ADGRL3: variants seen among roughly 807,000 people sequenced by gnomAD.
ADGRL3 encodes adhesion G protein-coupled receptor L3.
A neutral mutation model predicts 153.5 loss-of-function variants in ADGRL3; 62 were observed. The ratio of observed to expected loss-of-function variants is 0.40; its 90% CI spans 0.33 to 0.50. The LOEUF (loss-of-function observed/expected upper bound fraction) is 0.50, where lower values mean the gene tolerates loss of function less well. ADGRL3 is among the 20% of genes least tolerant of loss of function. The pLI is 0.47. For synonymous variants in ADGRL3, 710 were observed against 672.5 expected, an observed-to-expected ratio of 1.06 and a Z score of -0.86; for missense variants, 1,641 against 1,859.4, an observed-to-expected ratio of 0.88 and a Z score of 2.16.
chr4:61,905,064 A>T (rs757817220), intron 11 of ADGRL3, among the ~76,000 whole-genome samples: 1 of 152,218 alleles, frequency 6.6e-6, no homozygotes, highest in Non-Finnish European at 1.5e-5. Flanking sequence ...ACATATTATT[A>T]TAAGAGTATA....
At chr4:61,825,342 A>C (rs2097790930) in intron 9 of ADGRL3, among the ~76,000 whole-genome samples, 1 of 152,174 alleles carries the variant, frequency 6.6e-6, no homozygotes. Flanking sequence ...ATTATATGTG[A>C]AAATGCTTTA....
intron 8 of ADGRL3, among the ~76,000 whole-genome samples, chr4:61,799,307 T>G (rs1355122776): frequency 6.6e-6 from 1 of 152,040 alleles, no homozygotes. Context: ...AGCAAACTTC[T>G]TCTGTAAAAG....
intron 13 of ADGRL3, among the ~76,000 whole-genome samples, chr4:61,921,967 T>C (rs1026835609): frequency 2.0e-5 from 3 of 152,136 alleles, no homozygotes; most frequent in Non-Finnish European, 2.9e-5. Context: ...TCTTCATCAG[T>C]AGGAAATCGG....
At chr4:61,485,396 AG>A (rs1195145724) in intron 2 of ADGRL3, among the ~76,000 whole-genome samples, 1 of 152,150 alleles carries the variant, frequency 6.6e-6, no homozygotes, top group African/African-American at 2.4e-5. Flanking sequence ...TTTCTGCTAT[AG>A]ATGTATTTAT....
At chr4:61,446,739 C>G (rs1179339053) in intron 2 of ADGRL3, among the ~76,000 whole-genome samples, 1 of 152,164 alleles carries the variant, frequency 6.6e-6, no homozygotes, top group Admixed American at 6.5e-5. Context: ...AAAGGAGAAG[C>G]AGGTGTGCTA....
intron 5 of ADGRL3, among the ~76,000 whole-genome samples, chr4:61,604,576 T>C (rs1309765929): frequency 6.6e-6 from 1 of 152,202 alleles, no homozygotes; most frequent in African/African-American, 2.4e-5. Context: ...CCCCTTTCTT[T>C]AGTTCAGTTT....
chr4:61,438,459 G>C (rs2097481637), intron 2 of ADGRL3, among the ~76,000 whole-genome samples: 1 of 151,372 alleles, frequency 6.6e-6, no homozygotes, highest in Admixed American at 6.6e-5. Flanking sequence ...GATGAAGGAA[G>C]TACTTAGTGA....
At chr4:61,509,538 T>G (rs2098451556) in intron 3 of ADGRL3, among the ~76,000 whole-genome samples, 1 of 152,120 alleles carries the variant, frequency 6.6e-6, no homozygotes, top group African/African-American at 2.4e-5. Flanking sequence ...GATGATGGCC[T>G]CCACTGGCAT....
At chr4:61,819,976 G>A (rs1466603620) in intron 9 of ADGRL3, among the ~76,000 whole-genome samples, 4 of 151,666 alleles carry the variant, frequency 2.6e-5, no homozygotes, top group Non-Finnish European at 5.9e-5. Flanking sequence ...TAATCCATGG[G>A]TCACCATTCT....
chr4:61,970,634 C>A (rs2099023598), intron 17 of ADGRL3, among the ~76,000 whole-genome samples: 1 of 152,058 alleles, frequency 6.6e-6, no homozygotes, highest in African/African-American at 2.4e-5. Context: ...CACACACTTG[C>A]TAGTGTTTCT....
At chr4:61,711,648 T>G (rs979264769) in intron 6 of ADGRL3, among the ~76,000 whole-genome samples, 3 of 151,090 alleles carry the variant, frequency 2.0e-5, no homozygotes, top group African/African-American at 7.3e-5. Flanking sequence ...GCCACATGAT[T>G]GGATAACATT....
At chr4:61,721,835 A>T (rs889218991) in intron 6 of ADGRL3, among the ~76,000 whole-genome samples, 2 of 152,200 alleles carry the variant, frequency 1.3e-5, no homozygotes, top group Non-Finnish European at 2.9e-5. Flanking sequence ...CAGAAGCTTC[A>T]TGTAGGTTTT....
chr4:61,249,521 T>C (rs1428966374), intron 1 of ADGRL3, among the ~76,000 whole-genome samples: 1 of 150,552 alleles, frequency 6.6e-6, no homozygotes. Context: ...TACACCTACC[T>C]CATCTACATT....
intron 4 of ADGRL3, among the ~76,000 whole-genome samples, chr4:61,526,598 T>C (rs1218446316): frequency 1.3e-5 from 2 of 151,820 alleles, no homozygotes; most frequent in East Asian, 3.9e-4. Flanking sequence ...GGTAACATAG[T>C]GAGACCCTGT....
At chr4:61,762,223 T>G (rs539710972) in intron 8 of ADGRL3, among the ~76,000 whole-genome samples, 1 of 152,284 alleles carries the variant, frequency 6.6e-6, no homozygotes, top group East Asian at 1.9e-4. Flanking sequence ...GAAAGAACAT[T>G]GACAAATTTC....
At chr4:61,540,056 C>T (rs2098680874) in intron 4 of ADGRL3, among the ~76,000 whole-genome samples, 1 of 152,168 alleles carries the variant, frequency 6.6e-6, no homozygotes, top group African/African-American at 2.4e-5. Context: ...ATGCCAGGTA[C>T]ATTTTTCAGC....
At chr4:61,835,773 GA>G (rs10712983) in intron 9 of ADGRL3, among the ~76,000 whole-genome samples, 47,148 of 151,914 alleles carry the variant, frequency 0.31, 8,913 homozygotes, top group East Asian at 0.61. Flanking sequence ...TAGCAAACCA[GA>G]AACGAATCAT....
chr4:61,299,717 A>T (rs1437403075), intron 1 of ADGRL3, among the ~76,000 whole-genome samples: 3 of 152,160 alleles, frequency 2.0e-5, no homozygotes, highest in Non-Finnish European at 4.4e-5. Flanking sequence ...GGTATACGTG[A>T]GGGCTATTGG....
intron 1 of ADGRL3, among the ~76,000 whole-genome samples, chr4:61,220,762 CT>C (rs1214196806): frequency 6.6e-6 from 1 of 152,104 alleles, no homozygotes; most frequent in Admixed American, 6.6e-5. Flanking sequence ...ATCAAACTAT[CT>C]TTTTTATCTC....
Sources: gnomAD v4.1 joint callset for allele counts (sites outside exome capture counted in the v4.1 genomes callset) on GRCh38, gnomAD v4.1.1 for gene constraint, MANE v1.5 for transcripts, NCBI Gene and HGNC (gene_info 2026-07-23, HGNC 2026-07-21) for gene names.